Variants in XKR6 observed in about 807,000 individuals in gnomAD.
XKR6 encodes the protein XK related 6.
In XKR6, 22 loss-of-function variants were observed where a neutral mutation model predicts 56.7. The observed-to-expected ratio is 0.39, with a 90% confidence interval of 0.28 to 0.55. The LOEUF (loss-of-function observed/expected upper bound fraction) is 0.55. XKR6 is among the 20% of genes least tolerant of loss of function. The pLI is 0.66. For missense variants in XKR6, 852 were observed against 889.0 expected (o/e 0.96, Z 0.53); for synonymous variants, 524 against 387.8 (o/e 1.35, Z -4.13).
intron 1 of XKR6, among the ~76,000 whole-genome samples, chr8:11,123,011 T>C (rs143966800): frequency 0.017 from 2,547 of 151,746 alleles, 98 homozygotes; most frequent in African/African-American, 0.059. Context: ...CCGAGGTGGG[T>C]GGATCACCTG....
chr8:11,073,732 G>T (rs754307063), intron 1 of XKR6, among the ~76,000 whole-genome samples: 15 of 152,230 alleles, frequency 9.9e-5, no homozygotes, highest in Non-Finnish European at 2.1e-4. Context: ...AATGGATTAA[G>T]AAGTAGGAAG....
At chr8:11,073,008 C>CCTCTGTA (rs199539051) in intron 1 of XKR6, among the ~76,000 whole-genome samples, 2,620 of 151,616 alleles carry the variant, frequency 0.017, 35 homozygotes, top group South Asian at 0.032. Context: ...CAAGATCGCG[C>CCTCTGTA]CTCTGTACTC....
intron 1 of XKR6, among the ~76,000 whole-genome samples, chr8:10,967,262 A>G (rs968020966): frequency 5.9e-5 from 9 of 152,152 alleles, no homozygotes; most frequent in Non-Finnish European, 7.3e-5. Flanking sequence ...GCAACAACAC[A>G]TCCCTCCTAT....
intron 1 of XKR6, among the ~76,000 whole-genome samples, chr8:11,103,003 T>C (rs1360322892): frequency 6.6e-6 from 1 of 152,182 alleles, no homozygotes; most frequent in Non-Finnish European, 1.5e-5. Flanking sequence ...ATGCAGTCTT[T>C]TACTCCACTC....
intron 2 of XKR6, among the ~76,000 whole-genome samples, chr8:10,899,291 C>T (rs1159100289): frequency 1.3e-5 from 2 of 152,218 alleles, no homozygotes; most frequent in African/African-American, 2.4e-5. Context: ...GCATTGGCGT[C>T]GCTGTCACCA....
intron 1 of XKR6, among the ~76,000 whole-genome samples, chr8:11,132,271 C>G (rs1800140823): frequency 6.6e-6 from 1 of 152,144 alleles, no homozygotes. Context: ...GTGGTACTTA[C>G]AGAGCTACTG....
chr8:11,197,393 C>T (rs897310815), intron 1 of XKR6, among the ~76,000 whole-genome samples: 1 of 152,152 alleles, frequency 6.6e-6, no homozygotes, highest in Non-Finnish European at 1.5e-5. Flanking sequence ...GGAAAACTTG[C>T]ATACATCAAT....
chr8:10,967,998 G>A (rs907469879), intron 1 of XKR6, among the ~76,000 whole-genome samples: 7 of 152,268 alleles, frequency 4.6e-5, no homozygotes, highest in Middle Eastern at 3.4e-3. Flanking sequence ...GCCCTCACTC[G>A]GCGCCCTCCG....
chr8:11,188,600 A>C (rs1172845448), intron 1 of XKR6, among the ~76,000 whole-genome samples: 1 of 152,194 alleles, frequency 6.6e-6, no homozygotes, highest in African/African-American at 2.4e-5. Context: ...TTTCCTTCAG[A>C]GTTTTCTTCA....
intron 1 of XKR6, among the ~76,000 whole-genome samples, chr8:10,964,264 C>T (rs983164149): frequency 6.6e-6 from 1 of 152,136 alleles, no homozygotes; most frequent in Non-Finnish European, 1.5e-5. Flanking sequence ...AAACCCAATA[C>T]CCCCACGCTT....
intron 1 of XKR6, chr8:11,108,810 A>G (rs1798780816): frequency 6.0e-6 from 1 of 166,562 alleles, no homozygotes; most frequent in South Asian, 1.7e-4. Context: ...TTCCTGACAC[A>G]TGACCAGGGC....
chr8:11,062,910 A>G (rs546403164), intron 1 of XKR6: 15 of 454,014 alleles, frequency 3.3e-5, no homozygotes, highest in Non-Finnish European at 6.6e-5. Flanking sequence ...ATTCCCCCAC[A>G]GGTAATTCTC....
At chr8:11,145,778 A>G (rs1800949983) in intron 1 of XKR6, among the ~76,000 whole-genome samples, 1 of 152,222 alleles carries the variant, frequency 6.6e-6, no homozygotes. Flanking sequence ...CAATTCTTCC[A>G]AAACTGATCT....
chr8:11,026,172 G>A (rs1041542112), intron 1 of XKR6, among the ~76,000 whole-genome samples: 1 of 151,998 alleles, frequency 6.6e-6, no homozygotes, highest in African/African-American at 2.4e-5. Flanking sequence ...CACCTAGATG[G>A]TCTAGCCTAC....
rs373367858 is a variant in XKR6 at position 11,158,368 on chromosome 8, T to A, written c.764+42208A>T. ...AGTGTACCAGAGAAAGAAAACAGCA[T>A]CCACAAAGACTACAAGCAAGAGAAC... On this transcript the variant is annotated intron_variant, in intron 1 of 2. Coordinates refer to ENST00000416569, the MANE Select transcript of XKR6 (RefSeq NM_173683.4). 5.4e-4 allele frequency among the ~76,000 whole-genome samples: 82 copies of A among 152,206 alleles called. 2 individuals are homozygous for A. Among genetic ancestry groups the A allele is most frequent in the African/African-American group, 1.8e-3 (74 of 41,534 alleles).
chr8:10,971,214 G>T (rs180808331), intron 1 of XKR6, among the ~76,000 whole-genome samples: 2 of 151,952 alleles, frequency 1.3e-5, no homozygotes, highest in Non-Finnish European at 2.9e-5. Flanking sequence ...GAGGTCAGGA[G>T]ATCAAGATCA....
At chr8:11,076,596 T>C (rs1215329148) in intron 1 of XKR6, among the ~76,000 whole-genome samples, 3 of 152,126 alleles carry the variant, frequency 2.0e-5, no homozygotes, top group African/African-American at 7.2e-5. Flanking sequence ...TTTTCTAACC[T>C]ATAAATTGAT....
At chr8:11,126,983 A>T (rs1231346480) in intron 1 of XKR6, among the ~76,000 whole-genome samples, 8 of 152,228 alleles carry the variant, frequency 5.3e-5, no homozygotes, top group African/African-American at 1.9e-4. Flanking sequence ...CAAAGAAATC[A>T]AAGCAACTGG....
In XKR6 at chr8:11,143,219, G is replaced by A. The variant is rs140930886; in HGVS notation, c.764+57357C>T. ...AAGAAAGAAAGAGTGAAAACCAGACGATACACATTCTGATAAAAAACAAAC... is the reference window on the plus strand; with the variant it reads ...AAGAAAGAAAGAGTGAAAACCAGACAATACACATTCTGATAAAAAACAAAC... On this transcript the variant is annotated intron_variant, in intron 1 of 2. Coordinates refer to ENST00000416569, the MANE Select transcript of XKR6 (RefSeq NM_173683.4). Among the ~76,000 whole-genome samples, 10 of 152,154 alleles carry A rather than the reference G, an allele frequency of 6.6e-5. No individual in the cohort carries two copies. The East Asian group carries it at 1.7e-3, about 26-fold the overall frequency.
Sources: gnomAD v4.1 joint callset for allele counts (sites outside exome capture counted in the v4.1 genomes callset) on GRCh38, gnomAD v4.1.1 for gene constraint, MANE v1.5 for transcripts, NCBI Gene and HGNC (gene_info 2026-07-23, HGNC 2026-07-21) for gene names.